WNT3A: variants seen among roughly 807,000 people sequenced by gnomAD.
WNT3A encodes the protein protein Wnt-3a.
A neutral mutation model predicts 37.0 loss-of-function variants in WNT3A; 17 were observed. The ratio of observed to expected loss-of-function variants is 0.46; its 90% CI spans 0.31 to 0.69. The LOEUF is 0.69. WNT3A is among the 30% of genes least tolerant of loss of function. The pLI is 0.05. For missense variants in WNT3A, 411 were observed against 510.2 expected (o/e 0.81, Z 1.87); for synonymous variants, 187 against 211.0 (o/e 0.89, Z 0.99).
rs2031310614 is a variant in WNT3A, at chr1:228,042,662, T to C, written c.314-7994T>C. On this transcript the variant is annotated intron_variant, in intron 2 of 3. Transcript: ENST00000284523. This position sits in a 1 kb window ranked among gnomAD's most constrained non-coding sequence, Gnocchi z 5.2. ...ATGAGTGGTGGTAGATGGTGGATGA[T>C]GGGTAATGGATGGACAATGGATGGA... Among the ~76,000 whole-genome samples, 1 of 151,650 alleles carries C rather than the reference T, an allele frequency of 6.6e-6. No individual in the cohort carries two copies. The highest frequency in any genetic ancestry group is 1.5e-5 in the Non-Finnish European group (1 of 67,908).
chr1:228,058,250 G>A (rs939670778), intron 3 of WNT3A, among the ~76,000 whole-genome samples: 1 of 152,168 alleles, frequency 6.6e-6, no homozygotes, highest in South Asian at 2.1e-4. Flanking sequence ...CAGTTGGCAC[G>A]TATAGCATTT....
chr1:228,050,681 C>T lies in WNT3A; in HGVS notation c.339C>T (p.His113=), dbSNP rs377563839. Residue 113 remains histidine, a synonymous_variant, in exon 3 of 4, where the codon CAC becomes CAT. Transcript: ENST00000284523. The surrounding 1 kb of genome is among the most constrained non-coding windows in gnomAD (Gnocchi z 5.0). ...DKATRESAFV[H]AIASAGVAFA... ...CTACCAGGGAGTCGGCCTTTGTCCA[C>T]GCCATTGCCTCAGCCGGTGTGGCCT... 22 of 1,609,870 alleles carry T rather than the reference C, an allele frequency of 1.4e-5. No individual in the cohort carries two copies. The highest frequency in any genetic ancestry group is 4.4e-5 in the South Asian group (4 of 90,694).
intron 2 of WNT3A, among the ~76,000 whole-genome samples, chr1:228,044,176 G>C (rs2031349537): frequency 6.6e-6 from 1 of 151,956 alleles, no homozygotes; most frequent in Non-Finnish European, 1.5e-5. Flanking sequence ...TTTAAGAAAG[G>C]GGGTCTTGCT....
chr1:228,026,887 G>A (rs1262090160), intron 2 of WNT3A, among the ~76,000 whole-genome samples: 1 of 152,180 alleles, frequency 6.6e-6, no homozygotes, highest in Admixed American at 6.5e-5. Context: ...CTGTCATCCA[G>A]CCTGGAGTGC....
chr1:228,052,057 A>G (rs2031566125), intron 3 of WNT3A, among the ~76,000 whole-genome samples: 1 of 152,178 alleles, frequency 6.6e-6, no homozygotes, highest in East Asian at 1.9e-4. Context: ...TCCAAACCGT[A>G]TCAGGCACGA....
rs984381207 is a variant in WNT3A, at chr1:228,037,271, A to G, written c.314-13385A>G. Among the ~76,000 whole-genome samples, 3 of 151,656 alleles carry G rather than the reference A, an allele frequency of 2.0e-5. No individual in the cohort carries two copies. Among genetic ancestry groups the G allele is most frequent in the Middle Eastern group, 3.4e-3 (1 of 294 alleles). ...CCCCCTGCCCTATTCTGTGAACCCC[A>G]GGGTATCCCCACTCAAAGCACACGG... On this transcript the variant is annotated intron_variant, in intron 2 of 3. Transcript: ENST00000284523. This position sits in a 1 kb window ranked among gnomAD's most constrained non-coding sequence, Gnocchi z 4.1.
At chr1:228,055,564 C>T (rs908100924) in intron 3 of WNT3A, among the ~76,000 whole-genome samples, 2 of 151,830 alleles carry the variant, frequency 1.3e-5, no homozygotes, top group Non-Finnish European at 2.9e-5. Context: ...GATGGATACT[C>T]ATGAGAATAC....
chr1:228,048,927 T>C (rs948619776), intron 2 of WNT3A, among the ~76,000 whole-genome samples: 3 of 152,200 alleles, frequency 2.0e-5, no homozygotes, highest in East Asian at 1.9e-4. Flanking sequence ...AGCTTTCTCC[T>C]AAATTCCAGC....
Position 228,007,071 on chromosome 1 carries a change from C to A in WNT3A, c.-58C>A. 3 of 1,393,276 alleles carry A rather than the reference C, an allele frequency of 2.2e-6. No individual in the cohort carries two copies. Among genetic ancestry groups the A allele is most frequent in the South Asian group, 1.4e-5 (1 of 72,536 alleles). The allele number at this position is 1,393,276 out of a possible 1,614,324, so 86.3% of individuals were successfully genotyped here. The stretch of plus-strand genomic sequence containing the variant: ...GCGCCAGCTCCCAGGGCCCGGCCCC[C>A]CCCGGCGCTCACGCTCTCGGGGCGG... On this transcript the variant is annotated 5_prime_UTR_variant, in exon 1 of 4. Transcript: ENST00000284523. This position sits in a 1 kb window ranked among gnomAD's most constrained non-coding sequence, Gnocchi z 6.0.
At chr1:228,055,158 C>CAAAAAA (rs34263332) in intron 3 of WNT3A, among the ~76,000 whole-genome samples, 5 of 15,764 alleles carry the variant, frequency 3.2e-4, no homozygotes, top group African/African-American at 1.6e-3. Flanking sequence ...AACTCCGTCC[C>CAAAAAA]AAAAAAAAAA....
intron 2 of WNT3A, among the ~76,000 whole-genome samples, chr1:228,048,711 C>T (rs1231194066): frequency 6.6e-6 from 1 of 152,110 alleles, no homozygotes; most frequent in African/African-American, 2.4e-5. Flanking sequence ...ATTATAGGCC[C>T]CCAGCCCTGA....
At position 228,059,973 on chromosome 1, in the gene WNT3A, G is replaced by A; in HGVS notation, c.*508G>A. On this transcript the variant is annotated 3_prime_UTR_variant, in exon 4 of 4. Coordinates refer to ENST00000284523, the MANE Select transcript of WNT3A (RefSeq NM_033131.4). ...CTGAGGGCGGAGCGCCTCCTTAGGA[G>A]TGGGGTTTTATGGTGGATGAGGCTT... The A allele has an allele frequency of 8.8e-7, 1 of 1,132,820 alleles. No homozygotes were observed. The allele number at this position is 1,132,820 out of a possible 1,614,324, so 70.2% of individuals were successfully genotyped here.
chr1:228,060,160 T>A lies in WNT3A; in HGVS notation c.*695T>A, dbSNP rs778704895. 9.6e-6 allele frequency: 13 copies of A among 1,350,530 alleles called. No homozygotes were observed. Among genetic ancestry groups the A allele is most frequent in the Non-Finnish European group, 1.2e-5 (12 of 1,020,846 alleles). 83.7% of individuals were successfully genotyped at this position (1,350,530 alleles called of 1,614,324 possible). A position where few individuals can be genotyped will look rare whatever the true frequency, so the allele number is the denominator to read the frequency against. ...GGCTTCTCTCCGCGGGTGGGACTCTTCCCTGGGAACCGCCCTCCTGATTAA... is the reference window on the plus strand; with the variant it reads ...GGCTTCTCTCCGCGGGTGGGACTCTACCCTGGGAACCGCCCTCCTGATTAA... On this transcript the variant is annotated 3_prime_UTR_variant, in exon 4 of 4. Coordinates refer to ENST00000284523, the MANE Select transcript of WNT3A (RefSeq NM_033131.4).
At chr1:228,058,654 C>CT (rs2031728752) in intron 3 of WNT3A, among the ~76,000 whole-genome samples, 1 of 152,248 alleles carries the variant, frequency 6.6e-6, no homozygotes, top group African/African-American at 2.4e-5. Context: ...TCCCTGCACT[C>CT]TGACTGCTGT....
At chr1:228,012,175 C>G (rs2030391742) in intron 1 of WNT3A, among the ~76,000 whole-genome samples, 1 of 152,168 alleles carries the variant, frequency 6.6e-6, no homozygotes, top group Non-Finnish European at 1.5e-5. Context: ...TCCACTGGGT[C>G]CCTTGTGCAC....
chr1:228,051,104 G>A (rs1023216028), intron 3 of WNT3A, among the ~76,000 whole-genome samples, 183 bp downstream of exon 3: 4 of 152,208 alleles, frequency 2.6e-5, no homozygotes, highest in African/African-American at 4.8e-5. Flanking sequence ...CATCCAGTGC[G>A]CTCCTGGGGA....
rs1571813357 is a variant in WNT3A, at chr1:228,050,130, C to T, written c.314-526C>T. 6.6e-6 allele frequency among the ~76,000 whole-genome samples: 1 copy of T among 152,028 alleles called. No homozygotes were observed. The highest frequency in any genetic ancestry group is 1.9e-4 in the East Asian group (1 of 5,188). On this transcript the variant is annotated intron_variant, in intron 2 of 3. Transcript: ENST00000284523. The surrounding 1 kb of genome is among the most constrained non-coding windows in gnomAD (Gnocchi z 5.0). ...GCAGTGGTGCTATCCTGGCTCACTGCAGCCTCCACTTCCTGGGCTCAAGTG... is the reference window on the plus strand; with the variant it reads ...GCAGTGGTGCTATCCTGGCTCACTGTAGCCTCCACTTCCTGGGCTCAAGTG...
intron 1 of WNT3A, among the ~76,000 whole-genome samples, chr1:228,021,891 T>C (rs924293143): frequency 2.6e-5 from 4 of 152,180 alleles, no homozygotes; most frequent in African/African-American, 9.6e-5. Flanking sequence ...CCCATTGGGC[T>C]CCAGGTCAAC....
Position 228,007,093 on chromosome 1 carries a change from G to C in WNT3A, c.-36G>C. 2 of 1,510,366 alleles carry C rather than the reference G, an allele frequency of 1.3e-6. No individual in the cohort carries two copies. The highest frequency in any genetic ancestry group is 1.8e-6 in the Non-Finnish European group (2 of 1,128,320). The allele number at this position is 1,510,366 out of a possible 1,614,324, so 93.6% of individuals were successfully genotyped here. On this transcript the variant is annotated 5_prime_UTR_variant, in exon 1 of 4. Coordinates refer to ENST00000284523, the MANE Select transcript of WNT3A (RefSeq NM_033131.4). This position sits in a 1 kb window ranked among gnomAD's most constrained non-coding sequence, Gnocchi z 6.0. ...CCCCCCCGGCGCTCACGCTCTCGGGGCGGACTCCCGGCCCTCCGCGCCCTC... is the reference window on the plus strand; with the variant it reads ...CCCCCCCGGCGCTCACGCTCTCGGGCCGGACTCCCGGCCCTCCGCGCCCTC...
Sources: gnomAD v4.1 joint callset for allele counts (sites outside exome capture counted in the v4.1 genomes callset) on GRCh38, gnomAD v4.1.1 for gene constraint, Gnocchi (gnomAD v3.1) non-coding constraint, MANE v1.5 for transcripts, NCBI Gene and HGNC (gene_info 2026-07-23, HGNC 2026-07-21) for gene names.